The following DPF3 variants were observed in gnomAD, a reference collection of about 807,000 sequenced individuals.
The protein encoded by DPF3 is double PHD fingers 3.
Under a neutral mutation model 56.8 loss-of-function variants are expected in DPF3, and 18 were observed. The ratio of observed to expected loss-of-function variants is 0.32; its 90% CI spans 0.22 to 0.47. The LOEUF is 0.47. Ranked by LOEUF, DPF3 falls within the 20% of genes least tolerant of loss-of-function variation. DPF3 has a pLI of 1.00. For missense variants in DPF3, 403 were observed against 488.8 expected (o/e 0.82, Z 1.65); for synonymous variants, 188 against 180.2 (o/e 1.04, Z -0.35).
At chr14:72,792,431 G>GAAAGA (rs1047319082) in intron 1 of DPF3, among the ~76,000 whole-genome samples, 3 of 152,104 alleles carry the variant, frequency 2.0e-5, no homozygotes, top group African/African-American at 7.2e-5. Context: ...AAGAAAAAAA[G>GAAAGA]AAAGAAAAGA....
chr14:72,795,853 A>G (rs933366224), intron 1 of DPF3, among the ~76,000 whole-genome samples: 13 of 152,180 alleles, frequency 8.5e-5, no homozygotes, highest in South Asian at 2.1e-4. Flanking sequence ...AAGCCCGCAC[A>G]CTTCTCTCTT....
At chr14:72,849,891 G>T (rs1432403122) in intron 1 of DPF3, among the ~76,000 whole-genome samples, 3 of 150,332 alleles carry the variant, frequency 2.0e-5, no homozygotes, top group Admixed American at 1.3e-4. Flanking sequence ...GCCAACCTGG[G>T]TGGATCACCT....
In DPF3 at chr14:72,824,668, G is replaced by T. The variant is rs578158921; in HGVS notation, c.33-52775C>A. Among the ~76,000 whole-genome samples, 3 of 151,126 alleles carry T rather than the reference G, an allele frequency of 2.0e-5. No homozygotes were observed. In the East Asian group the frequency reaches 5.9e-4, roughly 30 times the overall value. ...CTGCAACCTCTGCCTCCCGGGTTCAGTTCAAGCCCTGCTCCTCCTCAGTCT... is the reference window on the plus strand; with the variant it reads ...CTGCAACCTCTGCCTCCCGGGTTCATTTCAAGCCCTGCTCCTCCTCAGTCT... On this transcript the variant is annotated intron_variant, in intron 1 of 10. Coordinates refer to ENST00000556509, the MANE Select transcript of DPF3 (RefSeq NM_001280542.3).
At chr14:72,620,622 T>A (rs997835675) in intron 9 of DPF3, among the ~76,000 whole-genome samples, 1 of 152,216 alleles carries the variant, frequency 6.6e-6, no homozygotes, top group Non-Finnish European at 1.5e-5. Flanking sequence ...TACTTCTGCC[T>A]GGAGGCTCTC....
At chr14:72,746,015 G>C (rs1890309273) in intron 3 of DPF3, among the ~76,000 whole-genome samples, 1 of 152,194 alleles carries the variant, frequency 6.6e-6, no homozygotes, top group African/African-American at 2.4e-5. Flanking sequence ...CCCCCACCAG[G>C]TGCACAGAAG....
At chr14:72,707,896 T>C (rs183045795) in intron 6 of DPF3, among the ~76,000 whole-genome samples, 25 of 152,198 alleles carry the variant, frequency 1.6e-4, no homozygotes, top group African/African-American at 6.0e-4. Flanking sequence ...AACCTCTGCT[T>C]TGCGTATCTG....
chr14:72,687,801 C>G (rs1887476389), intron 7 of DPF3, among the ~76,000 whole-genome samples: 1 of 152,116 alleles, frequency 6.6e-6, no homozygotes, highest in African/African-American at 2.4e-5. Flanking sequence ...ACCAGAATGC[C>G]CTGGAGAGCT....
At chr14:72,764,324 T>C (rs1444458113) in intron 2 of DPF3, among the ~76,000 whole-genome samples, 2 of 152,030 alleles carry the variant, frequency 1.3e-5, no homozygotes, top group Non-Finnish European at 2.9e-5. Context: ...TTGATGAACA[T>C]GTGGGGGTGC....
At chr14:72,827,488 C>CTTTTTT (rs1182260007) in intron 1 of DPF3, among the ~76,000 whole-genome samples, 4 of 78,282 alleles carry the variant, frequency 5.1e-5, no homozygotes, top group African/African-American at 2.1e-4. Flanking sequence ...TCCCTTTACT[C>CTTTTTT]TTTTTTTTTT....
chr14:72,797,166 T>G (rs1239850876), intron 1 of DPF3, among the ~76,000 whole-genome samples: 1 of 152,146 alleles, frequency 6.6e-6, no homozygotes, highest in Non-Finnish European at 1.5e-5. Flanking sequence ...CCTAGTTGCT[T>G]AGCATATGAA....
intron 5 of DPF3, among the ~76,000 whole-genome samples, chr14:72,718,325 A>T (rs2536143): frequency 0.66 from 99,679 of 152,106 alleles, 33,005 homozygotes; most frequent in Middle Eastern, 0.83. Context: ...GGTCCCAAGC[A>T]GAGAGCTAGA....
chr14:72,823,424 C>T (rs932245740), intron 1 of DPF3, among the ~76,000 whole-genome samples: 2 of 152,192 alleles, frequency 1.3e-5, no homozygotes, highest in Admixed American at 1.3e-4. Flanking sequence ...GCGTCCCATC[C>T]CATATCTCAG....
Position 72,612,359 on chromosome 14 carries a change from AC to A in DPF3, c.*6937del. On this transcript the variant is annotated 3_prime_UTR_variant, in exon 11 of 11. Transcript: ENST00000556509. ...GCCTCTCTCCAGCCACCTGCTCCCCACCTCCTCTGCTCTGAGATAATCATTC... is the reference window on the plus strand; with the variant it reads ...GCCTCTCTCCAGCCACCTGCTCCCCACTCCTCTGCTCTGAGATAATCATTC... 1 of 449,230 alleles carries A rather than the reference AC, an allele frequency of 2.2e-6. No homozygotes were observed. Among genetic ancestry groups the A allele is most frequent in the South Asian group, 1.7e-5 (1 of 58,690 alleles). 27.8% of individuals were successfully genotyped at this position (449,230 alleles called of 1,614,324 possible).
chr14:72,869,431 T>C (rs955513951), intron 1 of DPF3, among the ~76,000 whole-genome samples: 2 of 152,162 alleles, frequency 1.3e-5, no homozygotes, highest in African/African-American at 4.8e-5. Flanking sequence ...CAGTGCACTG[T>C]GGTCTGGGGA....
chr14:72,627,965 G>C (rs1183881319), intron 9 of DPF3, among the ~76,000 whole-genome samples: 1 of 152,044 alleles, frequency 6.6e-6, no homozygotes, highest in Non-Finnish European at 1.5e-5. Flanking sequence ...TTAATTATGT[G>C]TGTTAGTTTT....
At chr14:72,642,724 C>T (rs1020281390) in intron 8 of DPF3, among the ~76,000 whole-genome samples, 2 of 152,158 alleles carry the variant, frequency 1.3e-5, no homozygotes, top group African/African-American at 2.4e-5. Context: ...TCACCCTGCT[C>T]TGCCTTCCTT....
At chr14:72,891,275 G>A (rs564711555) in intron 1 of DPF3, among the ~76,000 whole-genome samples, 4 of 150,102 alleles carry the variant, frequency 2.7e-5, no homozygotes, top group African/African-American at 9.8e-5. Context: ...GGAAACCTTT[G>A]TGTGACCATT....
Position 72,674,349 on chromosome 14 carries a change from T to C in DPF3, c.762A>G (p.Gly254=), listed in dbSNP as rs373505469. 3.0e-5 allele frequency: 49 copies of C among 1,612,884 alleles called. 1 individual carries two copies. Among genetic ancestry groups the C allele is most frequent in the Middle Eastern group, 1.6e-4 (1 of 6,062 alleles). Residue 254 remains glycine (G), a synonymous_variant, in exon 8 of 11, where the codon GGA becomes GGG. Coordinates refer to ENST00000556509, the MANE Select transcript of DPF3 (RefSeq NM_001280542.3). ...ENHRPQKGPD[G]TVIPNNYCDF... ...CACAGTAGTTATTGGGAATGACTGTTCCATCCGGTCCTTTCTGGGCTGTGG... is the reference window on the plus strand; with the variant it reads ...CACAGTAGTTATTGGGAATGACTGTCCCATCCGGTCCTTTCTGGGCTGTGG...
chr14:72,667,244 A>G (rs949577259), intron 8 of DPF3, among the ~76,000 whole-genome samples: 4 of 152,214 alleles, frequency 2.6e-5, no homozygotes, highest in Non-Finnish European at 4.4e-5. Flanking sequence ...CATAGTGATT[A>G]TAGTGTCTGA....
Sources: gnomAD v4.1 joint callset for allele counts (sites outside exome capture counted in the v4.1 genomes callset) on GRCh38, gnomAD v4.1.1 for gene constraint, MANE v1.5 for transcripts, NCBI Gene and HGNC (gene_info 2026-07-23, HGNC 2026-07-21) for gene names.